The following WWOX variants were observed in gnomAD, a reference collection of about 807,000 sequenced individuals.
WWOX encodes WW domain containing oxidoreductase.
Under a neutral mutation model 46.2 loss-of-function variants are expected in WWOX, and 69 were observed. The ratio of observed to expected loss-of-function variants is 1.49; its 90% CI spans 1.23 to 1.82. The LOEUF is 1.82. WWOX is among the 40% of genes most tolerant of loss of function. The probability of loss-of-function intolerance (pLI) is 0.00; values close to 1 mark genes in which losing one functional copy is unlikely to be tolerated. For synonymous variants in WWOX, 359 were observed against 202.6 expected, an observed-to-expected ratio of 1.77 and a Z score of -6.56; for missense variants, 919 against 542.6, an observed-to-expected ratio of 1.69 and a Z score of -6.89.
chr16:78,492,400 C>A (rs2084806260), intron 8 of WWOX, among the ~76,000 whole-genome samples: 1 of 152,218 alleles, frequency 6.6e-6, no homozygotes, highest in Admixed American at 6.5e-5. Context: ...ATTAAGCCTC[C>A]CTTCTCATCT....
At chr16:78,128,633 A>G (rs898276875) in intron 4 of WWOX, among the ~76,000 whole-genome samples, 4 of 152,232 alleles carry the variant, frequency 2.6e-5, no homozygotes, top group Non-Finnish European at 5.9e-5. Context: ...TGCTGGCCAC[A>G]TCTTGATTAT....
chr16:78,285,289 A>G (rs918629394), intron 5 of WWOX, among the ~76,000 whole-genome samples: 2 of 151,998 alleles, frequency 1.3e-5, no homozygotes, highest in African/African-American at 2.4e-5. Flanking sequence ...AGAAAACAAA[A>G]TTAACCGGGC....
At chr16:78,400,605 T>G (rs966977100) in intron 6 of WWOX, among the ~76,000 whole-genome samples, 1 of 151,994 alleles carries the variant, frequency 6.6e-6, no homozygotes, top group African/African-American at 2.4e-5. Context: ...TTGGTTTTTC[T>G]CCTCTTACCA....
chr16:78,213,917 G>T (rs752623467), intron 5 of WWOX, among the ~76,000 whole-genome samples: 1 of 152,100 alleles, frequency 6.6e-6, no homozygotes, highest in African/African-American at 2.4e-5. Flanking sequence ...CTCCAGACCT[G>T]TCCGGGGTGT....
At chr16:78,973,028 G>A (rs2046502573) in intron 8 of WWOX, among the ~76,000 whole-genome samples, 1 of 152,132 alleles carries the variant, frequency 6.6e-6, no homozygotes, top group Non-Finnish European at 1.5e-5. Context: ...TATTTTTCCT[G>A]CAGTTGGGAC....
Position 78,548,342 on chromosome 16 carries a change from G to GAA in WWOX, c.1056+115599_1056+115600dup, listed in dbSNP as rs34099700. Among the ~76,000 whole-genome samples, 78 of 149,538 alleles carry GAA rather than the reference G, an allele frequency of 5.2e-4. No individual in the cohort carries two copies. The East Asian group carries it at 8.6e-3, about 17-fold the overall frequency. On this transcript the variant is annotated intron_variant, in intron 8 of 8. Transcript: ENST00000566780. ...TATTTTATTAATTTTTGTTCCTAAA[G>GAA]AAAAAAAAAATCCAGATTGCTTAGA...
intron 8 of WWOX, among the ~76,000 whole-genome samples, chr16:78,755,376 C>T (rs1179786011): frequency 6.6e-6 from 1 of 152,096 alleles, no homozygotes. Context: ...ACTCCTGGTC[C>T]AGGTAAAGCA....
At chr16:78,099,952 G>C in intron 1 of WWOX, 67 bp downstream of exon 1, 2 of 1,530,758 alleles carry the variant, frequency 1.3e-6, no homozygotes, top group Non-Finnish European at 8.8e-7. Context: ...CGCCACCTGC[G>C]CGGGGAGGAC....
At chr16:78,655,055 A>G (rs1307969395) in intron 8 of WWOX, among the ~76,000 whole-genome samples, 1 of 152,056 alleles carries the variant, frequency 6.6e-6, no homozygotes, top group African/African-American at 2.4e-5. Flanking sequence ...CCTTTCCCCA[A>G]GTCTTCTGTG....
intron 8 of WWOX, among the ~76,000 whole-genome samples, chr16:79,136,797 G>T (rs745443751): frequency 2.0e-5 from 3 of 152,202 alleles, no homozygotes; most frequent in Non-Finnish European, 4.4e-5. Context: ...ATAGGCACAT[G>T]CCATGTACAT....
chr16:78,183,490 G>A (rs752029869), intron 5 of WWOX, among the ~76,000 whole-genome samples: 9 of 152,320 alleles, frequency 5.9e-5, no homozygotes, highest in Non-Finnish European at 1.3e-4. Context: ...TGGCTGCGCC[G>A]TTCTGTAGCA....
At chr16:78,187,491 T>A (rs1407088751) in intron 5 of WWOX, among the ~76,000 whole-genome samples, 1 of 152,120 alleles carries the variant, frequency 6.6e-6, no homozygotes, top group Non-Finnish European at 1.5e-5. Context: ...TAGTCCCACC[T>A]ACTTGGGAGG....
At chr16:79,041,990 G>T (rs1510217) in intron 8 of WWOX, among the ~76,000 whole-genome samples, 3,935 of 152,154 alleles carry the variant, frequency 0.026, 169 homozygotes, top group African/African-American at 0.091. Flanking sequence ...TGCAAAATGG[G>T]TGCGAAATGT....
chr16:78,604,691 C>G (rs1597335576), intron 8 of WWOX, among the ~76,000 whole-genome samples: 1 of 17,876 alleles, frequency 5.6e-5, no homozygotes, highest in African/African-American at 2.5e-4. Flanking sequence ...CTTCCCCCCT[C>G]CCTCCTTCCC....
intron 8 of WWOX, among the ~76,000 whole-genome samples, chr16:78,556,132 C>G (rs1191902851): frequency 2.0e-5 from 3 of 151,890 alleles, no homozygotes; most frequent in Non-Finnish European, 4.4e-5. Context: ...CACAGACAGG[C>G]TTTTTCAAAG....
intron 5 of WWOX, among the ~76,000 whole-genome samples, chr16:78,216,212 G>C (rs955257789): frequency 6.6e-6 from 1 of 152,106 alleles, no homozygotes; most frequent in Non-Finnish European, 1.5e-5. Context: ...AACAATGGGG[G>C]GAGTAATAAT....
At chr16:78,325,052 C>CT (rs2080582401) in intron 5 of WWOX, among the ~76,000 whole-genome samples, 1 of 152,178 alleles carries the variant, frequency 6.6e-6, no homozygotes, top group Non-Finnish European at 1.5e-5. Context: ...CTTGGCCATG[C>CT]TGGAAGCCTG....
chr16:79,151,568 G>A (rs2050279703), intron 8 of WWOX, among the ~76,000 whole-genome samples: 1 of 152,192 alleles, frequency 6.6e-6, no homozygotes, highest in African/African-American at 2.4e-5. Flanking sequence ...TTTAGAAGGC[G>A]ACAGAGCTGA....
intron 8 of WWOX, among the ~76,000 whole-genome samples, chr16:79,020,176 G>A (rs2047502619): frequency 6.6e-6 from 1 of 152,208 alleles, no homozygotes; most frequent in African/African-American, 2.4e-5. Flanking sequence ...GAGGAAGGAA[G>A]AAAAGAGAGG....
Sources: allele counts gnomAD v4.1 joint callset (sites outside exome capture counted in the v4.1 genomes callset), GRCh38; gene constraint gnomAD v4.1.1; transcripts MANE v1.5; gene names NCBI Gene and HGNC (gene_info 2026-07-23, HGNC 2026-07-21).